COLEC12: variants seen among roughly 807,000 people sequenced by gnomAD.
The protein encoded by COLEC12 is collectin subfamily member 12.
A neutral mutation model predicts 71.1 loss-of-function variants in COLEC12; 33 were observed. The observed-to-expected ratio is 0.46, with a 90% CI of 0.35 to 0.62. The LOEUF is 0.62. Ranked by LOEUF, COLEC12 falls within the 20% of genes least tolerant of loss-of-function variation. COLEC12 has a pLI of 0.00. For synonymous variants in COLEC12, 350 were observed against 353.0 expected, an observed-to-expected ratio of 0.99 and a Z score of 0.10; for missense variants, 765 against 916.1, an observed-to-expected ratio of 0.84 and a Z score of 2.13.
At chr18:420,535 T>C (rs1193472268) in intron 2 of COLEC12, among the ~76,000 whole-genome samples, 1 of 151,998 alleles carries the variant, frequency 6.6e-6, no homozygotes, top group Admixed American at 6.5e-5. Flanking sequence ...CGATAAAAAA[T>C]TTTCTAGGTA....
chr18:334,519 C>G, intron 6 of COLEC12: 1 of 365,388 alleles, frequency 2.7e-6, no homozygotes, highest in Non-Finnish European at 4.8e-6. Flanking sequence ...TCCCAGCTAC[C>G]TGGGAGGCTA....
chr18:338,704 C>G (rs1011984128), intron 5 of COLEC12, among the ~76,000 whole-genome samples: 2 of 152,168 alleles, frequency 1.3e-5, no homozygotes, highest in East Asian at 3.8e-4. Flanking sequence ...TGGGAAATAG[C>G]ATCCCAGAGA....
intron 3 of COLEC12, among the ~76,000 whole-genome samples, chr18:355,622 A>G (rs575739215): frequency 2.0e-5 from 3 of 152,334 alleles, no homozygotes; most frequent in African/African-American, 7.2e-5. Context: ...TATTTGCCAA[A>G]CCACTCTCAT....
chr18:460,570 T>C (rs1334565449), intron 2 of COLEC12, among the ~76,000 whole-genome samples: 1 of 152,214 alleles, frequency 6.6e-6, no homozygotes, highest in Non-Finnish European at 1.5e-5. Context: ...ACATTGCGTG[T>C]GTTTTACAAA....
chr18:475,427 C>T (rs565971916), intron 2 of COLEC12, among the ~76,000 whole-genome samples: 1 of 152,200 alleles, frequency 6.6e-6, no homozygotes, highest in South Asian at 2.1e-4. Flanking sequence ...TCCTTGTTGT[C>T]GGAGATAGAT....
chr18:356,503 G>C (rs546560466), intron 3 of COLEC12, among the ~76,000 whole-genome samples: 1 of 152,294 alleles, frequency 6.6e-6, no homozygotes, highest in African/African-American at 2.4e-5. Flanking sequence ...AGAGAGGTGG[G>C]AGGAATGACC....
chr18:393,970 G>A (rs1041063984), intron 2 of COLEC12, among the ~76,000 whole-genome samples: 2 of 152,188 alleles, frequency 1.3e-5, no homozygotes, highest in Non-Finnish European at 2.9e-5. Context: ...GTTTACATAG[G>A]CTTTGTGGAG....
intron 1 of COLEC12, among the ~76,000 whole-genome samples, chr18:488,887 A>AG (rs1174828165): frequency 3.3e-5 from 5 of 151,714 alleles, no homozygotes; most frequent in African/African-American, 1.2e-4. Flanking sequence ...AAAAGAAAAA[A>AG]AAAAGAAAAG....
intron 2 of COLEC12, among the ~76,000 whole-genome samples, chr18:420,286 G>C (rs541659641): frequency 6.6e-6 from 1 of 152,164 alleles, no homozygotes; most frequent in Non-Finnish European, 1.5e-5. Context: ...TGTAACACGT[G>C]TATCACTAAA....
intron 2 of COLEC12, among the ~76,000 whole-genome samples, chr18:447,467 G>A (rs552744700): frequency 6.6e-6 from 1 of 152,324 alleles, no homozygotes; most frequent in Admixed American, 6.5e-5. Flanking sequence ...CTTGCCTGGC[G>A]TGCTGAGCAG....
intron 2 of COLEC12, among the ~76,000 whole-genome samples, chr18:419,907 G>A (rs986525409): frequency 2.6e-5 from 4 of 152,174 alleles, no homozygotes; most frequent in African/African-American, 9.7e-5. Flanking sequence ...TAAGAGACCA[G>A]CAGCTTCCAC....
chr18:464,268 T>C (rs1161980228), intron 2 of COLEC12, among the ~76,000 whole-genome samples: 2 of 152,214 alleles, frequency 1.3e-5, no homozygotes, highest in African/African-American at 4.8e-5. Flanking sequence ...TGAGTCACTA[T>C]TCTGCAGCCT....
At chr18:334,638 C>G in intron 6 of COLEC12, 104 bp downstream of exon 6, 1 of 1,144,442 alleles carries the variant, frequency 8.7e-7, no homozygotes, top group South Asian at 2.6e-5. Flanking sequence ...AAAACAAAAA[C>G]AAAAACAAAA....
intron 5 of COLEC12, among the ~76,000 whole-genome samples, chr18:339,794 A>T (rs150243740): frequency 1.3e-3 from 191 of 152,266 alleles, no homozygotes; most frequent in African/African-American, 4.4e-3. Context: ...TGGCTCATTA[A>T]GACAGGCTAG....
At chr18:482,618 T>C (rs1917444177) in intron 1 of COLEC12, among the ~76,000 whole-genome samples, 2 of 152,080 alleles carry the variant, frequency 1.3e-5, no homozygotes, top group South Asian at 4.2e-4. Flanking sequence ...CTTGACTTTC[T>C]TTTGTTTTTT....
Position 335,127 on chromosome 18 carries a change from T to C in COLEC12, c.1431A>G (p.Pro477=). ...GQKGEKGEPG[P]PGPAGERGPI... The stretch of plus-strand genomic sequence containing the variant: ...GGCCTCTCTCACCCGCAGGGCCAGG[T>C]GGTCCAGGCTCCCCCTTCTCTCCTT... Residue 477 remains proline, a synonymous_variant, in exon 6 of 10, where the codon CCA becomes CCG. Transcript: ENST00000400256. The C allele has an allele frequency of 6.2e-7, 1 of 1,612,568 alleles. No individual in the cohort carries two copies. The highest frequency in any genetic ancestry group is 8.5e-7 in the Non-Finnish European group (1 of 1,179,524).
In COLEC12 at chr18:392,837, C is replaced by T. The variant is rs558100848; in HGVS notation, c.59-35315G>A. The stretch of plus-strand genomic sequence containing the variant: ...TGGACTGCACTTAGTCCAGAATGAC[C>T]GGTTACTTCTCTTCCATGACTAAAC... On this transcript the variant is annotated intron_variant, in intron 2 of 9. Transcript: ENST00000400256. 1.6e-4 allele frequency among the ~76,000 whole-genome samples: 24 copies of T among 152,338 alleles called. No individual in the cohort carries two copies. The South Asian group carries it at 3.5e-3, about 22-fold the overall frequency.
At chr18:356,112 A>G (rs1355467673) in intron 3 of COLEC12, among the ~76,000 whole-genome samples, 1 of 152,228 alleles carries the variant, frequency 6.6e-6, no homozygotes, top group African/African-American at 2.4e-5. Context: ...AGGTTTTGCC[A>G]TTCTAACTGC....
At chr18:398,221 C>G (rs1915610977) in intron 2 of COLEC12, among the ~76,000 whole-genome samples, 1 of 152,210 alleles carries the variant, frequency 6.6e-6, no homozygotes, top group Admixed American at 6.5e-5. Context: ...GAAATATTAT[C>G]TGCAGTCTTA....
Sources: allele counts gnomAD v4.1 joint callset (sites outside exome capture counted in the v4.1 genomes callset), GRCh38; gene constraint gnomAD v4.1.1; transcripts MANE v1.5; gene names NCBI Gene and HGNC (gene_info 2026-07-23, HGNC 2026-07-21).